The following MCHR2 variants were observed in gnomAD, a reference collection of about 807,000 sequenced individuals.
The protein encoded by MCHR2 is melanin-concentrating hormone receptor 2.
Under a neutral mutation model 24.8 loss-of-function variants are expected in MCHR2, and 15 were observed. The ratio of observed to expected loss-of-function variants is 0.60; its 90% CI spans 0.40 to 0.93. MCHR2 has a LOEUF of 0.93. Ranked by LOEUF, MCHR2 falls within the 40% of genes least tolerant of loss-of-function variation. The probability of loss-of-function intolerance (pLI) is 0.00; values close to 1 mark genes in which losing one functional copy is unlikely to be tolerated. For synonymous variants in MCHR2, 151 were observed against 147.6 expected (o/e 1.02, Z -0.17); for missense variants, 386 against 408.7 (o/e 0.94, Z 0.48).
In MCHR2 at chr6:99,955,985, T is replaced by C. The variant is rs751719842; in HGVS notation, c.163A>G (p.Ile55Val). 4 of 1,603,438 alleles carry C rather than the reference T, an allele frequency of 2.5e-6. No homozygotes were observed. The highest frequency in any genetic ancestry group is 1.1e-5 in the South Asian group (1 of 88,926). The change falls in exon 2 of 6, where the codon ATT becomes GTT. Residue 55 changes from isoleucine (I) to valine (V), a missense_variant. Coordinates refer to ENST00000281806, the MANE Select transcript of MCHR2 (RefSeq NM_001040179.2). ...CCTTACCTTATTATAGTGAATACAATGAGGATGTTGCCAACCAGCCCTGTT... is the reference window on the plus strand; with the variant it reads ...CCTTACCTTATTATAGTGAATACAACGAGGATGTTGCCAACCAGCCCTGTT... ...CSTGLVGNIL[I>V]VFTIIRSRKK...
chr6:99,936,725 A>C (rs1774668476), intron 4 of MCHR2, among the ~76,000 whole-genome samples: 1 of 151,736 alleles, frequency 6.6e-6, no homozygotes, highest in South Asian at 2.1e-4. Context: ...TTTCTGTGAA[A>C]ACTGTTATTG....
chr6:99,929,063 A>G (rs1423289025), intron 5 of MCHR2, among the ~76,000 whole-genome samples: 21 of 152,220 alleles, frequency 1.4e-4, no homozygotes, highest in Admixed American at 2.6e-4. Flanking sequence ...GTTTCAAAGA[A>G]CATCTTTATT....
intron 5 of MCHR2, among the ~76,000 whole-genome samples, chr6:99,926,998 G>C (rs1484096470): frequency 6.6e-6 from 1 of 152,134 alleles, no homozygotes; most frequent in Non-Finnish European, 1.5e-5. Context: ...AATCCATGTT[G>C]AATTAATTTT....
intron 1 of MCHR2, among the ~76,000 whole-genome samples, chr6:99,974,439 T>G (rs9376626): frequency 0.8 from 122,268 of 152,136 alleles, 49,418 homozygotes; most frequent in East Asian, 1. Flanking sequence ...TCTGCATTGG[T>G]TATTCTAGTT....
chr6:99,971,710 C>T (rs1376791414), intron 1 of MCHR2, among the ~76,000 whole-genome samples: 1 of 152,138 alleles, frequency 6.6e-6, no homozygotes, highest in African/African-American at 2.4e-5. Flanking sequence ...TCATAGATAG[C>T]TCTTATGATT....
At chr6:99,935,376 C>A (rs1287312635) in intron 4 of MCHR2, among the ~76,000 whole-genome samples, 2 of 151,878 alleles carry the variant, frequency 1.3e-5, no homozygotes. Flanking sequence ...CTTCCTCTAC[C>A]TTTCCTGGCC....
intron 5 of MCHR2, among the ~76,000 whole-genome samples, chr6:99,923,124 A>C (rs938977725): frequency 6.6e-6 from 1 of 151,918 alleles, no homozygotes; most frequent in African/African-American, 2.4e-5. Context: ...TTAAGTTTTT[A>C]GGTATTTAAT....
chr6:99,964,958 C>A (rs147698347), intron 1 of MCHR2, among the ~76,000 whole-genome samples: 1 of 152,078 alleles, frequency 6.6e-6, no homozygotes, highest in African/African-American at 2.4e-5. Flanking sequence ...ATTACTAGGG[C>A]TACATATAAT....
chr6:99,943,950 C>G (rs1354655876), intron 3 of MCHR2, among the ~76,000 whole-genome samples: 1 of 152,134 alleles, frequency 6.6e-6, no homozygotes, highest in African/African-American at 2.4e-5. Context: ...TTAAGAGAAT[C>G]CCTCAGCAGG....
In MCHR2 at chr6:99,920,917, C is replaced by T. The variant is rs1490041606; in HGVS notation, c.*23G>A. ...AGTAAGATAGACAATCATGTCTAGA[C>T]TCATGGTGATCCATGTACTTTCCTA... On this transcript the variant is annotated 3_prime_UTR_variant, in exon 6 of 6. Transcript: ENST00000281806. 1.2e-5 allele frequency: 19 copies of T among 1,605,082 alleles called. No individual in the cohort carries two copies. Among genetic ancestry groups the T allele is most frequent in the Non-Finnish European group, 1.5e-5 (18 of 1,174,034 alleles).
intron 5 of MCHR2, among the ~76,000 whole-genome samples, chr6:99,924,007 T>G (rs1774297807): frequency 6.6e-6 from 1 of 152,116 alleles, no homozygotes; most frequent in Admixed American, 6.5e-5. Flanking sequence ...TTTTAAATGT[T>G]TAGCAGGATT....
At chr6:99,972,186 G>A (rs1335098605) in intron 1 of MCHR2, among the ~76,000 whole-genome samples, 2 of 152,270 alleles carry the variant, frequency 1.3e-5, no homozygotes, top group East Asian at 1.9e-4. Context: ...GAATCCATCT[G>A]GTTCTGGACT....
chr6:99,941,256 T>TC (rs34948457), intron 4 of MCHR2, among the ~76,000 whole-genome samples: 2 of 150,324 alleles, frequency 1.3e-5, no homozygotes, highest in Non-Finnish European at 1.5e-5. Context: ...TTTTTTTTTT[T>TC]CACTTCTCTG....
At chr6:99,974,459 C>T (rs1454674440) in intron 1 of MCHR2, among the ~76,000 whole-genome samples, 1 of 152,100 alleles carries the variant, frequency 6.6e-6, no homozygotes, top group East Asian at 1.9e-4. Context: ...TATCCATTTG[C>T]CTAATTTTTT....
chr6:99,964,965 T>A (rs901710656), intron 1 of MCHR2, among the ~76,000 whole-genome samples: 9 of 152,072 alleles, frequency 5.9e-5, no homozygotes, highest in African/African-American at 2.2e-4. Context: ...GGGCTACATA[T>A]AATGATGGTA....
intron 1 of MCHR2, among the ~76,000 whole-genome samples, chr6:99,971,154 G>T (rs933286206): frequency 6.6e-6 from 1 of 152,170 alleles, no homozygotes; most frequent in Admixed American, 6.5e-5. Context: ...ATCTTGGGCA[G>T]TATGGCCATT....
chr6:99,946,779 G>A (rs771830894), intron 3 of MCHR2, among the ~76,000 whole-genome samples: 7 of 152,166 alleles, frequency 4.6e-5, no homozygotes, highest in Non-Finnish European at 8.8e-5. Flanking sequence ...GTTGGGCTAG[G>A]GTTGGGTTGG....
chr6:99,970,896 G>A (rs1182735066), intron 1 of MCHR2, among the ~76,000 whole-genome samples: 4 of 152,012 alleles, frequency 2.6e-5, no homozygotes, highest in Non-Finnish European at 4.4e-5. Flanking sequence ...ATTTCTGAGG[G>A]CTCTGTTCTG....
intron 5 of MCHR2, among the ~76,000 whole-genome samples, chr6:99,927,010 G>A (rs1248940651): frequency 5.3e-5 from 8 of 152,108 alleles, no homozygotes; most frequent in Non-Finnish European, 8.8e-5. Flanking sequence ...ATTAATTTTT[G>A]TATAAGGTGT....
Sources: allele counts gnomAD v4.1 joint callset (sites outside exome capture counted in the v4.1 genomes callset), GRCh38; gene constraint gnomAD v4.1.1; transcripts MANE v1.5; gene names NCBI Gene and HGNC (gene_info 2026-07-23, HGNC 2026-07-21).